ZNF639: variants seen among roughly 807,000 people sequenced by gnomAD.
The protein encoded by ZNF639 is zinc finger amplified in esophageal squamous cell carcinomas 1.
A neutral mutation model predicts 39.8 loss-of-function variants in ZNF639; 20 were observed. The ratio of observed to expected loss-of-function variants is 0.50; its 90% CI spans 0.35 to 0.73. The LOEUF (loss-of-function observed/expected upper bound fraction) is 0.73. Among genes scored for constraint, ZNF639 ranks in the 30% least tolerant of loss-of-function variants. The pLI is 0.00. For synonymous variants in ZNF639, 176 were observed against 189.8 expected (o/e 0.93, Z 0.60); for missense variants, 477 against 566.2 (o/e 0.84, Z 1.60).
At chr3:179,326,522 A>G (rs62410444) in intron 1 of ZNF639, among the ~76,000 whole-genome samples, 39,271 of 152,188 alleles carry the variant, frequency 0.26, 6,209 homozygotes, top group Admixed American at 0.38. Context: ...ATCTCATACG[A>G]TTACATAGGA....
Position 179,333,750 on chromosome 3 carries a change from T to C in ZNF639, c.786T>C (p.Cys262=). Residue 262 remains cysteine (C), a synonymous_variant, in exon 6 of 6, where the codon TGT becomes TGC. Coordinates refer to ENST00000496856, the MANE Select transcript of ZNF639 (RefSeq NM_001303426.2). The stretch of plus-strand genomic sequence containing the variant: ...TGCATGAAGAGGATCCCTACATTTG[T>C]AAATACTGTGATTATAAGACAGTAA... ...AKLHEEDPYI[C]KYCDYKTVIF... 1 of 1,614,200 alleles carries C rather than the reference T, an allele frequency of 6.2e-7. No individual in the cohort carries two copies. The highest frequency in any genetic ancestry group is 8.5e-7 in the Non-Finnish European group (1 of 1,180,034).
At chr3:179,328,133 A>G (rs1378547255) in intron 2 of ZNF639, 150 bp from the exon 3 acceptor site, 4 of 485,370 alleles carry the variant, frequency 8.2e-6, no homozygotes, top group African/African-American at 8.0e-5. Flanking sequence ...AAATACAAAC[A>G]GAGGCATCAT....
At chr3:179,322,899 C>G, upstream of ZNF639, 1 of 985,130 alleles carries the variant, frequency 1.0e-6, no homozygotes, top group Non-Finnish European at 1.2e-6. Context: ...CGGCAGGGGG[C>G]GCGGGCCGCT....
At chr3:179,331,801 A>G (rs1408234507) in intron 4 of ZNF639, among the ~76,000 whole-genome samples, 1 of 150,448 alleles carries the variant, frequency 6.6e-6, no homozygotes, top group Non-Finnish European at 1.5e-5. Flanking sequence ...AAAAAAGACA[A>G]CTTTATAGTG....
Position 179,334,407 on chromosome 3 carries a change from C to A in ZNF639, c.1443C>A (p.Val481=), listed in dbSNP as rs11919840. The change falls in exon 6 of 6, where the codon GTC becomes GTA. Residue 481 remains valine, a synonymous_variant. Coordinates refer to ENST00000496856, the MANE Select transcript of ZNF639 (RefSeq NM_001303426.2). The part of the protein sequence containing the change: ...NERELISHLP[V]HETT ...GGGAATTAATAAGTCACCTTCCAGT[C>A]CATGAGACAACTTGATTATTCTCTT... The A allele has an allele frequency of 9.0e-3, 13,874 of 1,540,126 alleles. 657 individuals are homozygous for A. The African/African-American group carries it at 0.13, about 15-fold the overall frequency.
chr3:179,331,215 T>C lies in ZNF639; in HGVS notation c.169+1487T>C, dbSNP rs184021053. Among the ~76,000 whole-genome samples the C allele has an allele frequency of 6.8e-4, 103 of 152,264 alleles. 1 individual carries two copies. In the East Asian group the frequency reaches 0.015, roughly 23 times the overall value. ...CCCAACAGCCAAAACTGAAAACTAT[T>C]TGGGGACAAAAAATTATAACCCAGA... On this transcript the variant is annotated intron_variant, in intron 4 of 5. Coordinates refer to ENST00000496856, the MANE Select transcript of ZNF639 (RefSeq NM_001303426.2).
rs778964225 is a variant in ZNF639 at position 179,333,119 on chromosome 3, T to G, written c.300T>G (p.Ser100=). 1.9e-6 allele frequency: 3 copies of G among 1,600,620 alleles called. No homozygotes were observed. Among genetic ancestry groups the G allele is most frequent in the South Asian group, 1.1e-5 (1 of 87,936 alleles). Residue 100 remains serine (S), a synonymous_variant, in exon 5 of 6, where the codon TCT becomes TCG. Transcript: ENST00000496856. ...VLRILDHTAF[S]TEKSADIVIC... is the part of the protein sequence containing the mutation. The stretch of plus-strand genomic sequence containing the variant: ...GAATTCTAGACCACACTGCCTTTTC[T>G]ACAGGTTGGGGGAACTAATTTATAG...
chr3:179,331,758 A>G lies in ZNF639; in HGVS notation c.170-1231A>G, dbSNP rs986475310. Among the ~76,000 whole-genome samples, 5 of 146,048 alleles carry G rather than the reference A, an allele frequency of 3.4e-5. No individual in the cohort carries two copies. The East Asian group carries it at 1.0e-3, about 30-fold the overall frequency. ...CCATTGCACTGCAGCCTGGGCAACA[A>G]GAGCGAAACTCCATCTCAAAAAAAA... On this transcript the variant is annotated intron_variant, in intron 4 of 5. Transcript: ENST00000496856.
At chr3:179,329,766 T>C in intron 4 of ZNF639, 38 bp downstream of exon 4, 1 of 1,120,880 alleles carries the variant, frequency 8.9e-7, no homozygotes, top group Non-Finnish European at 1.3e-6. Context: ...TTCTTTAAAC[T>C]GCTTTTACAT....
intron 3 of ZNF639, 151 bp from the exon 4 acceptor site, chr3:179,329,467 T>C: frequency 1.9e-6 from 1 of 536,002 alleles, no homozygotes; most frequent in South Asian, 2.7e-5. Flanking sequence ...GGATCTGAAA[T>C]ATAAAAGCTT....
chr3:179,334,309 C>T lies in ZNF639; in HGVS notation c.1345C>T (p.His449Tyr). 1 of 1,612,642 alleles carries T rather than the reference C, an allele frequency of 6.2e-7. No individual in the cohort carries two copies. The highest frequency in any genetic ancestry group is 8.5e-7 in the Non-Finnish European group (1 of 1,179,194). ...STGQIEDLKI[H>Y]LDFKHSADLP... ...AGGACAAATTGAAGATCTTAAAATT[C>T]ATCTAGATTTCAAGCATTCAGCTGA... is the stretch of plus-strand genomic sequence containing the variant. The change falls in exon 6 of 6, where the codon CAT becomes TAT. Residue 449 changes from histidine to tyrosine, a missense_variant. Physicochemically the swap from His to Tyr is moderately conservative, Grantham distance 83 (BLOSUM62 2). Transcript: ENST00000496856.
intron 2 of ZNF639, 40 bp from the exon 3 acceptor site, chr3:179,328,243 T>C (rs751212447): frequency 2.0e-5 from 23 of 1,172,426 alleles, no homozygotes; most frequent in Non-Finnish European, 2.9e-5. Context: ...TTAACAGTTG[T>C]TATTTGTGAC....
In ZNF639 at chr3:179,334,123, A is replaced by G. The variant is rs1276895182; in HGVS notation, c.1159A>G (p.Thr387Ala). 6.2e-7 allele frequency: 1 copy of G among 1,614,116 alleles called. No homozygotes were observed. Among genetic ancestry groups the G allele is most frequent in the Non-Finnish European group, 8.5e-7 (1 of 1,179,982 alleles). Reference protein sequence around the residue: ...QVCGFRSRLHTNVNRHVAIEH... With the variant: ...QVCGFRSRLHANVNRHVAIEH... ...ATGTGGTTTTCGGAGTAGACTTCAC[A>G]CAAATGTTAACAGGCATGTTGCTAT... Residue 387 changes from threonine (T) to alanine (A), a missense_variant, in exon 6 of 6, where the codon ACA (threonine) becomes GCA (alanine). Physicochemically the swap from Thr to Ala is moderately conservative, Grantham distance 58 (BLOSUM62 0). Transcript: ENST00000496856.
At position 179,333,422 on chromosome 3, in the gene ZNF639, T is replaced by A; in HGVS notation, c.458T>A (p.Ile153Lys). 6.2e-7 allele frequency: 1 copy of A among 1,614,120 alleles called. No homozygotes were observed. Among genetic ancestry groups the A allele is most frequent in the Non-Finnish European group, 8.5e-7 (1 of 1,180,028 alleles). Residue 153 changes from isoleucine (I) to lysine (K), a missense_variant, in exon 6 of 6, where the codon ATA (isoleucine) becomes AAA (lysine). Coordinates refer to ENST00000496856, the MANE Select transcript of ZNF639 (RefSeq NM_001303426.2). The part of the protein sequence containing the change: ...EVHAISEDYD[I>K]ETENNSSESL... ...CATGCGATTTCTGAGGATTATGATA[T>A]AGAGACAGAAAACAATTCCTCTGAG...
At chr3:179,323,860 C>CT (rs1392378163) in intron 1 of ZNF639, 2 of 152,232 alleles carry the variant, frequency 1.3e-5, no homozygotes, top group African/African-American at 4.8e-5. Flanking sequence ...TAGAAACCCC[C>CT]TTTTTTGGTT....
intron 3 of ZNF639, among the ~76,000 whole-genome samples, chr3:179,328,995 A>G (rs1727753727): frequency 6.6e-6 from 1 of 152,020 alleles, no homozygotes; most frequent in Non-Finnish European, 1.5e-5. Flanking sequence ...CCCAGGCTGG[A>G]TGACTGTGTA....
chr3:179,336,415 A>T lies in ZNF639; in HGVS notation c.*1993A>T, dbSNP rs1216873502. 6.6e-6 allele frequency: 1 copy of T among 152,264 alleles called. No homozygotes were observed. The allele number at this position is 152,264 out of a possible 1,614,324, so 9.4% of individuals were successfully genotyped here. On this transcript the variant is annotated 3_prime_UTR_variant, in exon 6 of 6. Coordinates refer to ENST00000496856, the MANE Select transcript of ZNF639 (RefSeq NM_001303426.2). ...CACTTCAAGAATTTAGTCTGTTTGG[A>T]CAATGGTGGCTGCAAGTATTCTTAG...
At position 179,333,690 on chromosome 3, in the gene ZNF639, C is replaced by T. The variant is rs1728051808; in HGVS notation, c.726C>T (p.Phe242=). Residue 242 remains phenylalanine, a synonymous_variant, in exon 6 of 6, where the codon TTC becomes TTT. Transcript: ENST00000496856. ...SNVCRVCKES[F]STNMLLIEHA... is the part of the protein sequence containing the mutation. Reference sequence around the variant, plus strand: ...TGTGTCGAGTATGCAAGGAAAGTTTCTCTACCAATATGCTTCTGATAGAAC... The same window carrying T: ...TGTGTCGAGTATGCAAGGAAAGTTTTTCTACCAATATGCTTCTGATAGAAC... The T allele has an allele frequency of 6.2e-7, 1 of 1,614,054 alleles. No homozygotes were observed. The highest frequency in any genetic ancestry group is 8.5e-7 in the Non-Finnish European group (1 of 1,180,034).
chr3:179,330,704 T>G (rs1460006386), intron 4 of ZNF639, among the ~76,000 whole-genome samples: 1 of 149,948 alleles, frequency 6.7e-6, no homozygotes, highest in Non-Finnish European at 1.5e-5. Context: ...CTATACCACA[T>G]AGTGTGGAAG....
Sources: allele counts gnomAD v4.1 joint callset (sites outside exome capture counted in the v4.1 genomes callset), GRCh38; gene constraint gnomAD v4.1.1; transcripts MANE v1.5; gene names NCBI Gene and HGNC (gene_info 2026-07-23, HGNC 2026-07-21).